NEUROD1: variants seen among roughly 807,000 people sequenced by gnomAD.
NEUROD1 encodes neurogenic differentiation factor 1.
A neutral mutation model predicts 21.8 loss-of-function variants in NEUROD1; 9 were observed. The ratio of observed to expected loss-of-function variants is 0.41; its 90% CI spans 0.25 to 0.72. The LOEUF (loss-of-function observed/expected upper bound fraction) is 0.72. Among genes scored for constraint, NEUROD1 ranks in the 30% least tolerant of loss-of-function variants. The pLI is 0.31. For missense variants in NEUROD1, 434 were observed against 468.8 expected, an observed-to-expected ratio of 0.93 and a Z score of 0.69; for synonymous variants, 199 against 186.2, an observed-to-expected ratio of 1.07 and a Z score of -0.56.
rs1453283730 is a variant in NEUROD1, at chr2:181,677,572, A to T, written c.*218T>A. 1 of 743,764 alleles carries T rather than the reference A, an allele frequency of 1.3e-6. No homozygotes were observed. The highest frequency in any genetic ancestry group is 2.1e-6 in the Non-Finnish European group (1 of 478,366). The allele number at this position is 743,764 out of a possible 1,614,324, so 46.1% of individuals were successfully genotyped here. ...ACTTTACTGTATTTTTTTATTTTTTAAATAGAAGAGCTATAGAAAATAATA... is the reference window on the plus strand; with the variant it reads ...ACTTTACTGTATTTTTTTATTTTTTTAATAGAAGAGCTATAGAAAATAATA... On this transcript the variant is annotated 3_prime_UTR_variant, in exon 2 of 2. Transcript: ENST00000295108.
downstream of NEUROD1, chr2:181,673,520 C>T (rs1217437563): frequency 6.6e-6 from 1 of 152,152 alleles, no homozygotes; most frequent in Admixed American, 6.5e-5. Context: ...CAAGATGTTG[C>T]ATTGGCTCTT....
At chr2:181,669,523 A>G (rs1169161405), downstream of NEUROD1, among the ~76,000 whole-genome samples, 1 of 152,172 alleles carries the variant, frequency 6.6e-6, no homozygotes, top group Non-Finnish European at 1.5e-5. Context: ...TTCTTACATA[A>G]AAAGGATGTT....
rs981385896 is a variant in NEUROD1, at chr2:181,671,466, G to T, written n.2480C>A. ...TTTTTTTGAGACAGGGTCTCACTTT[G>T]TCACCCAGGCTGGAGTACAGTGGTA... is the stretch of plus-strand genomic sequence containing the variant. On this transcript the variant is annotated non_coding_transcript_exon_variant, in exon 2 of 2. Coordinates refer to the NEUROD1 transcript ENST00000496876. 5.9e-5 allele frequency among the ~76,000 whole-genome samples: 9 copies of T among 151,670 alleles called. No homozygotes were observed. In the East Asian group the frequency reaches 1.4e-3, roughly 23 times the overall value.
chr2:181,672,149 A>G (rs2105588005), downstream of NEUROD1, among the ~76,000 whole-genome samples: 1 of 152,342 alleles, frequency 6.6e-6, no homozygotes, highest in South Asian at 2.1e-4. Flanking sequence ...CCAATTCCAG[A>G]TTATATTTAA....
At chr2:181,674,771 T>C (rs1217753647), downstream of NEUROD1, among the ~76,000 whole-genome samples, 5 of 151,408 alleles carry the variant, frequency 3.3e-5, no homozygotes, top group Admixed American at 3.3e-4. Context: ...AGAATCCCTA[T>C]GTTTTAGAAT....
At chr2:181,671,442 T>A (rs1218195341) in exon 2 of NEUROD1, among the ~76,000 whole-genome samples, 1 of 152,152 alleles carries the variant, frequency 6.6e-6, no homozygotes, top group East Asian at 1.9e-4. Context: ...AAATCATTTT[T>A]TTTTTGAGAC....
downstream of NEUROD1, among the ~76,000 whole-genome samples, chr2:181,668,458 T>G (rs1250327158): frequency 2.0e-5 from 3 of 152,130 alleles, no homozygotes; most frequent in Non-Finnish European, 2.9e-5. Flanking sequence ...CGCTTATCTC[T>G]CCCTTGTAAA....
chr2:181,678,019 C>T lies in NEUROD1; in HGVS notation c.842G>A (p.Gly281Asp), dbSNP rs1688616057. The stretch of plus-strand genomic sequence containing the variant: ...CGGTTCGTGTTTGAAAGAGAAGTTG[C>T]CATTGATGCTGAGCGGCGGGCTGAG... ...GPLSPPLSIN[G>D]NFSFKHEPSA... is the part of the protein sequence containing the mutation. The change falls in exon 2 of 2, where the codon GGC becomes GAC. Residue 281 changes from glycine (G) to aspartate (D), a missense_variant. Physicochemically the swap from Gly to Asp is moderately conservative, Grantham distance 94. Transcript: ENST00000295108. This position sits in a 1 kb window ranked among gnomAD's most constrained non-coding sequence, Gnocchi z 5.5. The T allele has an allele frequency of 5.6e-6, 9 of 1,613,978 alleles. No homozygotes were observed. The highest frequency in any genetic ancestry group is 6.8e-6 in the Non-Finnish European group (8 of 1,180,044).
At position 181,678,120 on chromosome 2, in the gene NEUROD1, G is replaced by A; in HGVS notation, c.741C>T (p.His247=). The A allele has an allele frequency of 6.2e-7, 1 of 1,614,204 alleles. No individual in the cohort carries two copies. Among genetic ancestry groups the A allele is most frequent in the Non-Finnish European group, 8.5e-7 (1 of 1,180,036 alleles). ...SHVFHVKPPP[H]AYSAALEPFF... is the part of the protein sequence containing the mutation. ...AGGGCTCCAGCGCTGCGCTGTAGGC[G>A]TGCGGCGGAGGCTTAACGTGGAAGA... Residue 247 remains histidine, a synonymous_variant, in exon 2 of 2, where the codon CAC becomes CAT. Coordinates refer to ENST00000295108, the MANE Select transcript of NEUROD1 (RefSeq NM_002500.5). The surrounding 1 kb of genome is among the most constrained non-coding windows in gnomAD (Gnocchi z 5.5).
exon 2 of NEUROD1, among the ~76,000 whole-genome samples, chr2:181,670,941 T>C (rs779243345): frequency 6.6e-6 from 1 of 151,900 alleles, no homozygotes; most frequent in African/African-American, 2.4e-5. Context: ...TGAGGCCACA[T>C]TTTGAGGTTC....
exon 2 of NEUROD1, among the ~76,000 whole-genome samples, chr2:181,671,117 C>T (rs1688492383): frequency 6.6e-6 from 1 of 151,374 alleles, no homozygotes; most frequent in South Asian, 2.1e-4. Context: ...TATAAATGCA[C>T]CAGTAGTTAA....
downstream of NEUROD1, among the ~76,000 whole-genome samples, chr2:181,673,837 G>A (rs957526583): frequency 2.6e-5 from 4 of 152,194 alleles, no homozygotes; most frequent in Admixed American, 1.3e-4. Flanking sequence ...TTCAGAAAAT[G>A]CATTAATTTT....
chr2:181,678,350 T>C lies in NEUROD1; in HGVS notation c.511A>G (p.Thr171Ala), dbSNP rs369182691. ...GGTTGGGATAAGCCCTTGCAAAGCGTCTGAACGAAGGAGACCAGGTCTGGG... is the reference window on the plus strand; with the variant it reads ...GGTTGGGATAAGCCCTTGCAAAGCGCCTGAACGAAGGAGACCAGGTCTGGG... ...KSPDLVSFVQ[T>A]LCKGLSQPTT... is the part of the protein sequence containing the mutation. Residue 171 changes from threonine to alanine, a missense_variant, in exon 2 of 2, where the codon ACG (threonine) becomes GCG (alanine). Physicochemically the swap from Thr to Ala is moderately conservative, Grantham distance 58 (BLOSUM62 0). Transcript: ENST00000295108. The surrounding 1 kb of genome is among the most constrained non-coding windows in gnomAD (Gnocchi z 5.5). 1 of 1,614,014 alleles carries C rather than the reference T, an allele frequency of 6.2e-7. No individual in the cohort carries two copies. The highest frequency in any genetic ancestry group is 8.5e-7 in the Non-Finnish European group (1 of 1,180,022).
chr2:181,668,622 A>G (rs1294103407), downstream of NEUROD1, among the ~76,000 whole-genome samples: 1 of 152,132 alleles, frequency 6.6e-6, no homozygotes, highest in Non-Finnish European at 1.5e-5. Flanking sequence ...TACCAGATGG[A>G]TCAACTCTGC....
chr2:181,668,327 C>T (rs764475577), downstream of NEUROD1, among the ~76,000 whole-genome samples: 6 of 152,042 alleles, frequency 3.9e-5, no homozygotes, highest in Non-Finnish European at 8.8e-5. Flanking sequence ...GCCCTTATGA[C>T]ATGTTTAATT....
intron 1 of NEUROD1, 102 bp downstream of exon 1, chr2:181,680,328 C>T (rs1288699615): frequency 6.6e-6 from 1 of 152,218 alleles, no homozygotes; most frequent in African/African-American, 2.4e-5. Context: ...TCTCAATACA[C>T]ATACACACTC....
chr2:181,672,134 T>G (rs1439583015), downstream of NEUROD1, among the ~76,000 whole-genome samples: 8 of 152,216 alleles, frequency 5.3e-5, no homozygotes, highest in South Asian at 1.7e-3. Context: ...AGTTTTTCTT[T>G]TATTCCAATT....
In NEUROD1 at chr2:181,678,732, G is replaced by A. The variant is rs116321775; in HGVS notation, c.129C>T (p.Leu43=). ...AGTCCTCCTCTGCGTTCATGGTTTCGAGGTCGTCCTCCTTCTTGTCTGCCT... is the reference window on the plus strand; with the variant it reads ...AGTCCTCCTCTGCGTTCATGGTTTCAAGGTCGTCCTCCTTCTTGTCTGCCT... ...EHEADKKEDD[L]ETMNAEEDSL... The change falls in exon 2 of 2, where the codon CTC becomes CTT. Residue 43 remains leucine (L), a synonymous_variant. Transcript: ENST00000295108. This position sits in a 1 kb window ranked among gnomAD's most constrained non-coding sequence, Gnocchi z 5.5. The A allele has an allele frequency of 2.5e-5, 41 of 1,612,008 alleles. No homozygotes were observed. Among genetic ancestry groups the A allele is most frequent in the Middle Eastern group, 1.6e-4 (1 of 6,062 alleles).
downstream of NEUROD1, among the ~76,000 whole-genome samples, chr2:181,674,904 A>G (rs558139655): frequency 6.6e-6 from 1 of 152,176 alleles, no homozygotes. Flanking sequence ...TGGAATTCTC[A>G]AAATGGCATT....
Sources: gnomAD v4.1 joint callset for allele counts (sites outside exome capture counted in the v4.1 genomes callset) on GRCh38, gnomAD v4.1.1 for gene constraint, Gnocchi (gnomAD v3.1) non-coding constraint, MANE v1.5 for transcripts, NCBI Gene and HGNC (gene_info 2026-07-23, HGNC 2026-07-21) for gene names.